Variants in NEK1 observed in about 807,000 individuals in gnomAD.
NEK1 encodes serine/threonine-protein kinase Nek1.
In NEK1, 137 loss-of-function variants were observed where a neutral mutation model predicts 182.1. That is an observed-to-expected ratio of 0.75 (90% CI 0.65 to 0.87). NEK1 has a LOEUF of 0.87. Ranked by LOEUF, NEK1 falls within the 40% of genes least tolerant of loss-of-function variation. NEK1 has a pLI of 0.00. For synonymous variants in NEK1, 513 were observed against 492.2 expected (o/e 1.04, Z -0.56); for missense variants, 1,391 against 1,494.4 (o/e 0.93, Z 1.14).
intron 11 of NEK1, among the ~76,000 whole-genome samples, chr4:169,577,533 C>T (rs1006657331): frequency 7.2e-5 from 11 of 151,934 alleles, no homozygotes; most frequent in Non-Finnish European, 1.2e-4. Context: ...TTTGGGAGGC[C>T]GAGGCGGGTG....
At chr4:169,533,413 C>G (rs1410707057) in intron 19 of NEK1, among the ~76,000 whole-genome samples, 1 of 152,212 alleles carries the variant, frequency 6.6e-6, no homozygotes, top group African/African-American at 2.4e-5. Context: ...CATGAACACA[C>G]TAGCAAAGGT....
At chr4:169,476,110 T>C (rs1248035341) in intron 26 of NEK1, among the ~76,000 whole-genome samples, 1 of 152,070 alleles carries the variant, frequency 6.6e-6, no homozygotes, top group Non-Finnish European at 1.5e-5. Flanking sequence ...ACAGGAAGCA[T>C]GAAGAAAACT....
In NEK1 at chr4:169,499,136, C is replaced by T. The variant is rs745960583; in HGVS notation, c.2007+7901G>A. 3.0e-4 allele frequency among the ~76,000 whole-genome samples: 45 copies of T among 152,228 alleles called. 1 individual carries two copies. Among genetic ancestry groups the T allele is most frequent in the Non-Finnish European group, 5.7e-4 (39 of 68,004 alleles). The stretch of plus-strand genomic sequence containing the variant: ...TTCTTTTTTCTCTAAACTCTTCTCG[C>T]TTCATTTCATTCATTTGATCTTCCA... On this transcript the variant is annotated intron_variant, in intron 23 of 35. Coordinates refer to ENST00000507142, the MANE Select transcript of NEK1 (RefSeq NM_001199397.3).
At chr4:169,553,608 T>C (rs544292005) in intron 18 of NEK1, among the ~76,000 whole-genome samples, 1 of 152,150 alleles carries the variant, frequency 6.6e-6, no homozygotes, top group Non-Finnish European at 1.5e-5. Context: ...GCCAAAGACA[T>C]ACCTGATAAA....
chr4:169,514,343 G>A (rs1032072178), intron 19 of NEK1, among the ~76,000 whole-genome samples: 1 of 152,068 alleles, frequency 6.6e-6, no homozygotes, highest in African/African-American at 2.4e-5. Flanking sequence ...GCTTTTCTGT[G>A]CTGTCTTTGG....
chr4:169,586,079 A>C lies in NEK1; in HGVS notation c.607-530T>G, dbSNP rs558621852. 5.3e-5 allele frequency among the ~76,000 whole-genome samples: 8 copies of C among 152,248 alleles called. No individual in the cohort carries two copies. In the South Asian group the frequency reaches 1.7e-3, roughly 32 times the overall value. Reference sequence around the variant, plus strand: ...AAAAGCTATGGAAATCAGCAATATAAAAAATATCTTAATAGGAATATATAT... The same window carrying C: ...AAAAGCTATGGAAATCAGCAATATACAAAATATCTTAATAGGAATATATAT... On this transcript the variant is annotated intron_variant, in intron 9 of 35. Coordinates refer to ENST00000507142, the MANE Select transcript of NEK1 (RefSeq NM_001199397.3).
rs570178477 is a variant in NEK1, at chr4:169,479,402, C to T, written c.2139+1G>A. 10 of 1,606,386 alleles carry T rather than the reference C, an allele frequency of 6.2e-6. No individual in the cohort carries two copies. Among genetic ancestry groups the T allele is most frequent in the Admixed American group, 1.7e-5 (1 of 59,152 alleles). On this transcript the variant is annotated splice_donor_variant, in intron 24 of 35. Coordinates refer to ENST00000507142, the MANE Select transcript of NEK1 (RefSeq NM_001199397.3). LOFTEE classifies it high-confidence loss of function. ...GGAGTTCTGAATCTTAGGAAACTTACCACGCCAACTTCTTTCAAAGCTGAA... is the reference window on the plus strand; with the variant it reads ...GGAGTTCTGAATCTTAGGAAACTTATCACGCCAACTTCTTTCAAAGCTGAA...
At chr4:169,487,739 ACT>A (rs1346564868) in intron 23 of NEK1, among the ~76,000 whole-genome samples, 3 of 152,320 alleles carry the variant, frequency 2.0e-5, no homozygotes, top group South Asian at 2.1e-4. Flanking sequence ...GAATCCCCAC[ACT>A]GTCTTCCAAA....
At chr4:169,599,053 A>C in intron 5 of NEK1, 47 bp downstream of exon 5, 1 of 1,428,562 alleles carries the variant, frequency 7.0e-7, no homozygotes, top group South Asian at 1.2e-5. Flanking sequence ...ATTTTGAACT[A>C]CTTCTCAATA....
intron 12 of NEK1, among the ~76,000 whole-genome samples, chr4:169,576,126 G>A (rs908565307): frequency 4.0e-5 from 6 of 151,880 alleles, no homozygotes; most frequent in Non-Finnish European, 7.4e-5. Context: ...CACCACACCT[G>A]GCTAATTTTT....
At position 169,477,142 on chromosome 4, in the gene NEK1, A is replaced by C; in HGVS notation, c.2416T>G (p.Ser806Ala). 1 of 1,601,216 alleles carries C rather than the reference A, an allele frequency of 6.2e-7. No individual in the cohort carries two copies. The highest frequency in any genetic ancestry group is 8.5e-7 in the Non-Finnish European group (1 of 1,172,744). ...TACATACTTTCAGTTGTAGAGAAGG[A>C]TGTATCTAGTGTTAACTCATCCAGA... is the stretch of plus-strand genomic sequence containing the variant. ...IPLDELTLDT[S>A]FSTTERHTVG... Residue 806 changes from serine (S) to alanine (A), a missense_variant, in exon 26 of 36, where the codon TCC (serine) becomes GCC (alanine). Transcript: ENST00000507142.
chr4:169,584,308 T>G (rs1016309608), intron 10 of NEK1, among the ~76,000 whole-genome samples: 12 of 152,112 alleles, frequency 7.9e-5, no homozygotes, highest in Non-Finnish European at 1.0e-4. Context: ...AATATATAAA[T>G]TACGTTAATA....
At chr4:169,612,167 T>TA (rs1772425831) in intron 1 of NEK1, 24 bp from the exon 2 acceptor site, 1 of 152,334 alleles carries the variant, frequency 6.6e-6, no homozygotes, top group African/African-American at 2.4e-5. Context: ...CAAGACTGTC[T>TA]AACCAGCAGC....
chr4:169,440,794 G>A (rs561940754), intron 27 of NEK1, among the ~76,000 whole-genome samples: 13 of 152,240 alleles, frequency 8.5e-5, no homozygotes, highest in African/African-American at 1.7e-4. Context: ...GCCCTCAAGC[G>A]CCCTGAGACT....
At chr4:169,415,654 G>T (rs1334061841) in intron 31 of NEK1, among the ~76,000 whole-genome samples, 2 of 152,142 alleles carry the variant, frequency 1.3e-5, no homozygotes, top group African/African-American at 2.4e-5. Context: ...ATAAAAGGAA[G>T]GGCAGTCTTC....
At chr4:169,533,090 G>A (rs546852529) in intron 19 of NEK1, among the ~76,000 whole-genome samples, 1 of 152,326 alleles carries the variant, frequency 6.6e-6, no homozygotes, top group African/African-American at 2.4e-5. Flanking sequence ...CAAGGTTTCT[G>A]TTATCTCCCT....
At position 169,483,036 on chromosome 4, in the gene NEK1, T is replaced by C. The variant is rs555486400; in HGVS notation, c.2008-3502A>G. Among the ~76,000 whole-genome samples the C allele has an allele frequency of 2.0e-5, 3 of 152,336 alleles. No individual in the cohort carries two copies. In the East Asian group the frequency reaches 5.8e-4, roughly 29 times the overall value. The stretch of plus-strand genomic sequence containing the variant: ...ATTCTGTGCCTATCTCAGCTTTCAA[T>C]ATGCCTTCATCACCAAGCTTAATCT... On this transcript the variant is annotated intron_variant, in intron 23 of 35. Coordinates refer to ENST00000507142, the MANE Select transcript of NEK1 (RefSeq NM_001199397.3).
chr4:169,588,471 A>C (rs143509957), intron 8 of NEK1, among the ~76,000 whole-genome samples, 178 bp downstream of exon 8: 1 of 152,272 alleles, frequency 6.6e-6, no homozygotes, highest in East Asian at 1.9e-4. Context: ...TCTTCCAGTA[A>C]GATAATCAAA....
At chr4:169,411,441 C>T (rs544224716) in intron 31 of NEK1, among the ~76,000 whole-genome samples, 4 of 152,276 alleles carry the variant, frequency 2.6e-5, no homozygotes, top group African/African-American at 9.6e-5. Flanking sequence ...ACTTTCGGGC[C>T]TCAGCCTCCA....
Sources: gnomAD v4.1 joint callset for allele counts (sites outside exome capture counted in the v4.1 genomes callset) on GRCh38, gnomAD v4.1.1 for gene constraint, MANE v1.5 for transcripts, NCBI Gene and HGNC (gene_info 2026-07-23, HGNC 2026-07-21) for gene names.